Variants in LCP2 observed in about 807,000 individuals in gnomAD.
LCP2 encodes 76 kDa tyrosine phosphoprotein.
LCP2 carries 29 observed loss-of-function variants against 74.5 expected under a neutral mutation model. The observed-to-expected ratio is 0.39, with a 90% CI of 0.29 to 0.53. LCP2 has a LOEUF of 0.53. LCP2 is among the 20% of genes least tolerant of loss of function. The pLI is 0.72. For synonymous variants in LCP2, 228 were observed against 229.5 expected (o/e 0.99, Z 0.06); for missense variants, 604 against 634.6 (o/e 0.95, Z 0.52).
intron 3 of LCP2, among the ~76,000 whole-genome samples, chr5:170,281,605 G>A (rs187113102): frequency 1.4e-4 from 22 of 152,260 alleles, no homozygotes; most frequent in East Asian, 5.8e-4. Flanking sequence ...TGTTCCTTTC[G>A]CCTCTGCGTC....
chr5:170,248,813 G>C lies in LCP2; in HGVS notation c.1486C>G (p.Leu496Val). The C allele has an allele frequency of 6.2e-7, 1 of 1,612,072 alleles. No individual in the cohort carries two copies. The highest frequency in any genetic ancestry group is 8.5e-7 in the Non-Finnish European group (1 of 1,178,866). ...GTGLRGKEDFLSVSDIIDYFR... is the reference protein window; with the variant it reads ...GTGLRGKEDFVSVSDIIDYFR... The stretch of plus-strand genomic sequence containing the variant: ...TAGTCAATAATATCTGACACAGACA[G>C]AAAGTCCTGAAAGAGTCAAGATAGG... The change falls in exon 21 of 21, where the codon CTG becomes GTG. Residue 496 changes from leucine (L) to valine (V), a missense_variant. By Grantham distance (32) the Leu-to-Val change is conservative. Transcript: ENST00000046794.
At chr5:170,257,256 T>G (rs1761570267) in intron 16 of LCP2, among the ~76,000 whole-genome samples, 1 of 151,700 alleles carries the variant, frequency 6.6e-6, no homozygotes, top group Non-Finnish European at 1.5e-5. Flanking sequence ...AGCAGGAGGG[T>G]CAGCAGACAA....
intron 3 of LCP2, among the ~76,000 whole-genome samples, chr5:170,283,666 G>A (rs747576700): frequency 6.6e-6 from 1 of 152,076 alleles, no homozygotes; most frequent in Non-Finnish European, 1.5e-5. Flanking sequence ...TGGCTCACGG[G>A]ACCTTTATAA....
intron 3 of LCP2, among the ~76,000 whole-genome samples, chr5:170,284,000 C>T (rs1038380842): frequency 3.9e-5 from 6 of 152,182 alleles, no homozygotes; most frequent in African/African-American, 1.2e-4. Context: ...TCTGTCTGAC[C>T]TCCCTTTAGA....
chr5:170,272,961 C>T (rs1287734991), intron 6 of LCP2, among the ~76,000 whole-genome samples: 1 of 151,332 alleles, frequency 6.6e-6, no homozygotes, highest in South Asian at 2.1e-4. Context: ...AATGCTTGTC[C>T]CTCATCCTTC....
At chr5:170,272,597 C>CTTTTTTTT (rs61463939) in intron 6 of LCP2, among the ~76,000 whole-genome samples, 410 of 40,362 alleles carry the variant, frequency 0.01, 97 homozygotes, top group South Asian at 0.02. Flanking sequence ...CAAATATTTT[C>CTTTTTTTT]TTTTTTTTTT....
intron 10 of LCP2, 99 bp from the exon 11 acceptor site, chr5:170,263,091 G>T (rs1581061967): frequency 7.4e-7 from 1 of 1,351,986 alleles, no homozygotes; most frequent in South Asian, 1.3e-5. Flanking sequence ...GAACCCTCTT[G>T]GGGGTTGATG....
chr5:170,275,474 G>A (rs1761991159), intron 4 of LCP2, 123 bp from the exon 5 acceptor site: 2 of 1,124,022 alleles, frequency 1.8e-6, no homozygotes, highest in East Asian at 4.7e-5. Context: ...CTCAAGAGAG[G>A]TTTGTATCCT....
chr5:170,260,971 A>G (rs1581060609), intron 14 of LCP2, 136 bp downstream of exon 14: 1 of 685,866 alleles, frequency 1.5e-6, no homozygotes, highest in East Asian at 2.7e-5. Context: ...ACCAGCCCTT[A>G]AGAGACGAGA....
At chr5:170,257,528 G>C (rs1761575776) in intron 16 of LCP2, among the ~76,000 whole-genome samples, 1 of 152,100 alleles carries the variant, frequency 6.6e-6, no homozygotes, top group Admixed American at 6.5e-5. Flanking sequence ...GACAATGACT[G>C]GGCCTTTCTC....
intron 9 of LCP2, 43 bp from the exon 10 acceptor site, chr5:170,266,934 G>A: frequency 6.2e-7 from 1 of 1,609,616 alleles, no homozygotes; most frequent in Non-Finnish European, 8.5e-7. Context: ...GAAGAAAGCA[G>A]TCGGCTGGGG....
intron 3 of LCP2, 108 bp downstream of exon 3, chr5:170,287,862 T>C (rs962430400): frequency 7.8e-6 from 8 of 1,024,818 alleles, no homozygotes; most frequent in African/African-American, 1.6e-5. Flanking sequence ...CTACTTGCTT[T>C]CTTATTTCAA....
chr5:170,249,362 G>GTATATA lies in LCP2; in HGVS notation c.1480-549_1480-544dup, dbSNP rs72371153. On this transcript the variant is annotated intron_variant, in intron 20 of 20. Transcript: ENST00000046794. ...ATAGATAAAATATGTGCATGCGTGT[G>GTATATA]TATATATATATATATATATCTACAT... is the stretch of plus-strand genomic sequence containing the variant. 6.3e-3 allele frequency among the ~76,000 whole-genome samples: 682 copies of GTATATA among 108,116 alleles called. 3 individuals are homozygous for GTATATA. Among genetic ancestry groups the GTATATA allele is most frequent in the African/African-American group, 0.019 (608 of 32,426 alleles). The allele number at this position is 108,116 out of a possible 152,430, so 70.9% of individuals were successfully genotyped here.
chr5:170,261,118 T>C lies in LCP2; in HGVS notation c.946A>G (p.Arg316Gly). 1.2e-6 allele frequency: 2 copies of C among 1,605,626 alleles called. No homozygotes were observed. Among genetic ancestry groups the C allele is most frequent in the Non-Finnish European group, 1.7e-6 (2 of 1,172,518 alleles). ...CATTTTGTACTTACATTCTCTCTTC[T>C]GTCTGGTCCCCATCCATGCCTGAAA... Reference protein sequence around the residue: ...PVPKHGWGPDRRENDEDDVHQ... With the variant: ...PVPKHGWGPDGRENDEDDVHQ... Residue 316 changes from arginine (R) to glycine (G), a missense_variant, in exon 14 of 21, where the codon AGA becomes GGA. By Grantham distance (125) the Arg-to-Gly change is moderately radical. Transcript: ENST00000046794.
At chr5:170,269,370 G>A (rs143801199) in intron 7 of LCP2, among the ~76,000 whole-genome samples, 1 of 152,180 alleles carries the variant, frequency 6.6e-6, no homozygotes, top group South Asian at 2.1e-4. Flanking sequence ...TCTCTTGCCC[G>A]ACTCTAGTCC....
chr5:170,257,909 G>C lies in LCP2; in HGVS notation c.1100+128C>G, dbSNP rs1292759101. On this transcript the variant is annotated intron_variant, in intron 16 of 20. Transcript: ENST00000046794. ...TGCTCAGTTTGGTTTTATGTCTTAA[G>C]ACCCAAAATGTTCAGACCCTACTAT... 8.9e-5 allele frequency: 90 copies of C among 1,006,496 alleles called. No homozygotes were observed. The South Asian group carries it at 1.1e-3, about 13-fold the overall frequency. The allele number at this position is 1,006,496 out of a possible 1,614,324, so 62.3% of individuals were successfully genotyped here.
Position 170,250,859 on chromosome 5 carries a change from G to C in LCP2, c.1350C>G (p.Ser450Arg). The change falls in exon 20 of 21, where the codon AGC (serine) becomes AGG (arginine). Residue 450 changes from serine (S) to arginine (R), a missense_variant. Physicochemically the swap from Ser to Arg is moderately radical, Grantham distance 110. Coordinates refer to ENST00000046794, the MANE Select transcript of LCP2 (RefSeq NM_005565.5). ...NQDGTFLVRDSSKKTTTNPYV... is the reference protein window; with the variant it reads ...NQDGTFLVRDRSKKTTTNPYV... Reference sequence around the variant, plus strand: ...ATGGATTGGTTGTTGTTTTTTTAGAGCTGTCTCTGACCAGAAATGTGCCAT... The same window carrying C: ...ATGGATTGGTTGTTGTTTTTTTAGACCTGTCTCTGACCAGAAATGTGCCAT... 5 of 1,613,438 alleles carry C rather than the reference G, an allele frequency of 3.1e-6. No homozygotes were observed. The highest frequency in any genetic ancestry group is 4.2e-6 in the Non-Finnish European group (5 of 1,179,490).
rs199666234 is a variant in LCP2 at position 170,270,813 on chromosome 5, C to A, written c.429G>T (p.Ala143=). The A allele has an allele frequency of 4.5e-5, 73 of 1,611,804 alleles. No individual in the cohort carries two copies. The African/African-American group carries it at 8.3e-4, about 18-fold the overall frequency. The change falls in exon 7 of 21, where the codon GCG becomes GCT. Residue 143 remains alanine, a synonymous_variant. Transcript: ENST00000046794. ...EEEEAPVEDD[A]DYEPPPSNDE... is the part of the protein sequence containing the mutation. Reference sequence around the variant, plus strand: ...CATTGGAGGGTGGCGGCTCATAATCCGCGTCATCTTCCACGGGTGCCTCTT... The same window carrying A: ...CATTGGAGGGTGGCGGCTCATAATCAGCGTCATCTTCCACGGGTGCCTCTT...
rs556814943 is a variant in LCP2 at position 170,281,456 on chromosome 5, A to AT, written c.189-5597dup. The stretch of plus-strand genomic sequence containing the variant: ...CACCACACTCGGCTAATTGTTTTGT[A>AT]TTTTTAGTAGAAACAGCGTTTCACT... On this transcript the variant is annotated intron_variant, in intron 3 of 20. Transcript: ENST00000046794. Among the ~76,000 whole-genome samples, 40 of 152,092 alleles carry AT rather than the reference A, an allele frequency of 2.6e-4. 1 individual carries two copies. In the South Asian group the frequency reaches 3.8e-3, roughly 14 times the overall value.
Sources: allele counts gnomAD v4.1 joint callset (sites outside exome capture counted in the v4.1 genomes callset), GRCh38; gene constraint gnomAD v4.1.1; transcripts MANE v1.5; gene names NCBI Gene and HGNC (gene_info 2026-07-23, HGNC 2026-07-21).